ATAD2B: variants seen among roughly 807,000 people sequenced by gnomAD.
ATAD2B encodes the protein ATPase family AAA domain-containing protein 2B.
ATAD2B carries 40 observed loss-of-function variants against 167.6 expected under a neutral mutation model. The ratio of observed to expected loss-of-function variants is 0.24; its 90% CI spans 0.19 to 0.31. ATAD2B has a LOEUF of 0.31. ATAD2B is among the 10% of genes least tolerant of loss of function. The pLI, the probability that ATAD2B is intolerant of heterozygous loss-of-function variation, is 1.00. For synonymous variants in ATAD2B, 579 were observed against 596.5 expected (o/e 0.97, Z 0.43); for missense variants, 1,242 against 1,757.2 (o/e 0.71, Z 5.24).
At chr2:23,696,768 C>G in the ATAD2B span, 7 of 398,602 alleles carry the variant, frequency 1.8e-5, no homozygotes, top group Middle Eastern at 6.7e-4. The surrounding 1 kb of genome is among the most constrained non-coding windows in gnomAD (Gnocchi z 5.5). Flanking sequence ...TCCCGACAAC[C>G]CATTTAGGTG....
intron 9 of ATAD2B, among the ~76,000 whole-genome samples, chr2:23,868,744 T>C (rs1695508643): frequency 6.6e-6 from 1 of 152,210 alleles, no homozygotes; most frequent in African/African-American, 2.4e-5. Flanking sequence ...CTATACTACA[T>C]TATTTAACAC....
At position 23,749,177 on chromosome 2, in the gene ATAD2B, A is replaced by AC. The variant is rs1347787280; in HGVS notation, c.*2868_*2869insG. The AC allele has an allele frequency of 6.6e-6, 1 of 152,090 alleles. No individual in the cohort carries two copies. Among genetic ancestry groups the AC allele is most frequent in the Admixed American group, 6.6e-5 (1 of 15,246 alleles). 9.4% of individuals were successfully genotyped at this position (152,090 alleles called of 1,614,324 possible). On this transcript the variant is annotated 3_prime_UTR_variant, in exon 28 of 28. Coordinates refer to ENST00000238789, the MANE Select transcript of ATAD2B (RefSeq NM_017552.4). ...TCAAGTCATGAAACAACATTAAAAA[A>AC]AAAAAATCACAGGTGAGATTCAAGC...
chr2:23,693,391 CAGG>C, the ATAD2B span: 1 of 1,551,762 alleles, frequency 6.4e-7, no homozygotes, highest in Non-Finnish European at 8.7e-7. Flanking sequence ...GGTGGCCGCC[CAGG>C]AGGAGATCCT....
At chr2:23,758,163 T>G (rs899905948) in intron 24 of ATAD2B, 62 bp from the exon 25 acceptor site, 12 of 1,331,318 alleles carry the variant, frequency 9.0e-6, no homozygotes, top group Non-Finnish European at 1.2e-5. Flanking sequence ...ATTTTACATA[T>G]GTTTATTAAA....
At chr2:23,857,649 A>C in intron 12 of ATAD2B, 146 bp from the exon 13 acceptor site, 1 of 388,758 alleles carries the variant, frequency 2.6e-6, no homozygotes, top group Non-Finnish European at 4.7e-6. Context: ...CTTACCACCC[A>C]GTTTCCAACA....
At chr2:23,917,689 G>C (rs1703247182) in intron 1 of ATAD2B, among the ~76,000 whole-genome samples, 1 of 152,030 alleles carries the variant, frequency 6.6e-6, no homozygotes, top group South Asian at 2.1e-4. Flanking sequence ...CTACTCGGCA[G>C]GCTGAGTCAG....
At chr2:23,903,491 A>C (rs1701086068) in intron 1 of ATAD2B, among the ~76,000 whole-genome samples, 1 of 152,134 alleles carries the variant, frequency 6.6e-6, no homozygotes, top group African/African-American at 2.4e-5. Context: ...AACTTTTTTC[A>C]ATTTGTAAAA....
intron 1 of ATAD2B, among the ~76,000 whole-genome samples, chr2:23,904,502 G>C (rs1011425818): frequency 8.2e-5 from 12 of 146,130 alleles, no homozygotes; most frequent in Non-Finnish European, 1.6e-4. Context: ...AAAAAAGAAA[G>C]AATAGTTTAG....
In ATAD2B at chr2:23,823,320, AT is replaced by A; in HGVS notation, c.2068del (p.Ile690SerfsTer2). On this transcript the variant is annotated frameshift_variant, in exon 16 of 28. Coordinates refer to ENST00000238789, the MANE Select transcript of ATAD2B (RefSeq NM_017552.4). LOFTEE classifies it high-confidence loss of function. ...AAACACTTTTTGCAAGACTGCTAGGATGTTGTTGAAGCTTCTTTCCAGCAGT... is the reference window on the plus strand; with the variant it reads ...AAACACTTTTTGCAAGACTGCTAGGAGTTGTTGAAGCTTCTTTCCAGCAGT... ...RPLLERSFNN[I>X]LAVLQKVFPH... 1 of 1,613,712 alleles carries A rather than the reference AT, an allele frequency of 6.2e-7. No individual in the cohort carries two copies. The highest frequency in any genetic ancestry group is 8.5e-7 in the Non-Finnish European group (1 of 1,179,778).
chr2:23,762,776 A>C (rs1389157444), intron 23 of ATAD2B, among the ~76,000 whole-genome samples: 4 of 152,202 alleles, frequency 2.6e-5, no homozygotes. Flanking sequence ...ACCACACTGC[A>C]GTCAGTTTGG....
At chr2:23,838,764 A>T (rs955977452) in intron 13 of ATAD2B, among the ~76,000 whole-genome samples, 5 of 152,122 alleles carry the variant, frequency 3.3e-5, no homozygotes, top group African/African-American at 9.7e-5. Context: ...CTTTTACCAT[A>T]AATTAGGCAT....
intron 4 of ATAD2B, among the ~76,000 whole-genome samples, chr2:23,886,907 G>T (rs533615305): frequency 4.6e-4 from 69 of 150,004 alleles, no homozygotes; most frequent in African/African-American, 1.6e-3. Flanking sequence ...CTCCAGCCTG[G>T]GTGACAGAGC....
intron 25 of ATAD2B, among the ~76,000 whole-genome samples, chr2:23,755,636 T>C (rs910720644): frequency 1.3e-5 from 2 of 152,110 alleles, no homozygotes; most frequent in Non-Finnish European, 2.9e-5. Context: ...GGAGAACATA[T>C]TTATTAAGTG....
chr2:23,848,277 C>A (rs189973540), intron 13 of ATAD2B, among the ~76,000 whole-genome samples: 15 of 152,166 alleles, frequency 9.9e-5, no homozygotes, highest in African/African-American at 3.6e-4. Flanking sequence ...CCAAGGCAGG[C>A]GGATCACTTG....
chr2:23,915,288 A>C (rs888123137), intron 1 of ATAD2B, among the ~76,000 whole-genome samples: 5 of 152,132 alleles, frequency 3.3e-5, no homozygotes, highest in African/African-American at 1.2e-4. Flanking sequence ...TAAACATGTT[A>C]AATAGAGGGT....
chr2:23,893,024 T>C (rs1699752028), intron 2 of ATAD2B, among the ~76,000 whole-genome samples: 1 of 152,130 alleles, frequency 6.6e-6, no homozygotes, highest in Non-Finnish European at 1.5e-5. Flanking sequence ...ACCAAAAACA[T>C]CCTATTTTAC....
Position 23,750,190 on chromosome 2 carries a change from TC to T in ATAD2B, c.*1855del, listed in dbSNP as rs1399628558. On this transcript the variant is annotated 3_prime_UTR_variant, in exon 28 of 28. Transcript: ENST00000238789. ...CAAATAACCTCCCCTTTAAAATGGT[TC>T]ATCGTTAATCGCACTTGCCCACCTT... The T allele has an allele frequency of 6.6e-6, 1 of 152,150 alleles. No individual in the cohort carries two copies. The highest frequency in any genetic ancestry group is 1.5e-5 in the Non-Finnish European group (1 of 67,992). 9.4% of individuals were successfully genotyped at this position (152,150 alleles called of 1,614,324 possible).
At chr2:23,769,520 G>T (rs1310385353) in intron 22 of ATAD2B, among the ~76,000 whole-genome samples, 1 of 151,902 alleles carries the variant, frequency 6.6e-6, no homozygotes, top group African/African-American at 2.4e-5. Context: ...GCACACATAT[G>T]GAGGGATGAC....
chr2:23,895,263 ACTAC>A (rs1281831541), intron 2 of ATAD2B, among the ~76,000 whole-genome samples: 2 of 152,140 alleles, frequency 1.3e-5, no homozygotes, highest in Non-Finnish European at 2.9e-5. Context: ...CCTAACCATT[ACTAC>A]CATTTGGGAG....
Sources: gnomAD v4.1 joint callset for allele counts (sites outside exome capture counted in the v4.1 genomes callset) on GRCh38, gnomAD v4.1.1 for gene constraint, Gnocchi (gnomAD v3.1) non-coding constraint, MANE v1.5 for transcripts, NCBI Gene and HGNC (gene_info 2026-07-23, HGNC 2026-07-21) for gene names.